RASGRP1: variants seen among roughly 807,000 people sequenced by gnomAD.
The protein encoded by RASGRP1 is RAS guanyl-releasing protein 1.
Under a neutral mutation model 95.1 loss-of-function variants are expected in RASGRP1, and 37 were observed. The observed-to-expected ratio is 0.39, with a 90% CI of 0.30 to 0.51. The LOEUF (loss-of-function observed/expected upper bound fraction) is 0.51, where lower values mean the gene tolerates loss of function less well. Ranked by LOEUF, RASGRP1 falls within the 20% of genes least tolerant of loss-of-function variation. The probability of loss-of-function intolerance (pLI) is 0.80; values close to 1 mark genes in which losing one functional copy is unlikely to be tolerated. For missense variants in RASGRP1, 711 were observed against 965.4 expected (o/e 0.74, Z 3.49); for synonymous variants, 325 against 353.4 (o/e 0.92, Z 0.90).
At chr15:38,564,496 G>C in intron 1 of RASGRP1, 98 bp downstream of exon 1, 1 of 989,892 alleles carries the variant, frequency 1.0e-6, no homozygotes, top group Non-Finnish European at 1.2e-6. Context: ...GCCCCCCTCC[G>C]CCCTCAACTT....
At chr15:38,547,386 T>C (rs7164671) in intron 2 of RASGRP1, among the ~76,000 whole-genome samples, 5,556 of 152,150 alleles carry the variant, frequency 0.037, 363 homozygotes, top group African/African-American at 0.13. Flanking sequence ...AAAGCAGCCC[T>C]CAACCAATGA....
intron 2 of RASGRP1, among the ~76,000 whole-genome samples, chr15:38,534,830 C>A (rs1463881901): frequency 6.6e-6 from 1 of 152,202 alleles, no homozygotes; most frequent in Non-Finnish European, 1.5e-5. Flanking sequence ...ATGCTTCCTG[C>A]CTCTGTTCTA....
chr15:38,519,027 A>G (rs972845374), intron 4 of RASGRP1, among the ~76,000 whole-genome samples: 2 of 152,218 alleles, frequency 1.3e-5, no homozygotes, highest in Admixed American at 6.5e-5. Flanking sequence ...ATAATGAGCT[A>G]TATTACTTGT....
chr15:38,530,203 CT>C (rs923563901), intron 2 of RASGRP1, among the ~76,000 whole-genome samples: 19 of 152,162 alleles, frequency 1.2e-4, no homozygotes, highest in African/African-American at 4.6e-4. Context: ...TCCCTGCTTC[CT>C]TGGGCCAGTA....
chr15:38,542,847 A>ATGTGTATAT (rs1892934258), intron 2 of RASGRP1, among the ~76,000 whole-genome samples: 1 of 119,448 alleles, frequency 8.4e-6, no homozygotes, highest in Non-Finnish European at 1.6e-5. Context: ...ATATATATAT[A>ATGTGTATAT]TGTGTATATA....
At position 38,498,942 on chromosome 15, in the gene RASGRP1, G is replaced by A. The variant is rs374227836; in HGVS notation, c.1725C>T (p.Cys575=). The change falls in exon 15 of 17, where the codon TGC becomes TGT. Residue 575 remains cysteine, a synonymous_variant. Transcript: ENST00000310803. ...TGCATTGTTTGTGACAGTTCATCCC[G>A]CAGTCTGTGGACAAGACATCCTGGG... is the stretch of plus-strand genomic sequence containing the variant. ...VIKQGYRCKD[C]GMNCHKQCKD... The A allele has an allele frequency of 3.7e-6, 6 of 1,613,706 alleles. No homozygotes were observed. Among genetic ancestry groups the A allele is most frequent in the Admixed American group, 3.3e-5 (2 of 60,000 alleles).
At chr15:38,523,910 C>G (rs997600870) in intron 3 of RASGRP1, among the ~76,000 whole-genome samples, 1 of 152,146 alleles carries the variant, frequency 6.6e-6, no homozygotes, top group Non-Finnish European at 1.5e-5. Context: ...CTATGGTGTT[C>G]ACACAATGAC....
In RASGRP1 at chr15:38,489,757, T is replaced by A. The variant is rs925634476; in HGVS notation, c.*797A>T. The A allele has an allele frequency of 2.0e-5, 3 of 151,922 alleles. No homozygotes were observed. Among genetic ancestry groups the A allele is most frequent in the Non-Finnish European group, 4.4e-5 (3 of 67,868 alleles). The allele number at this position is 151,922 out of a possible 1,614,324, so 9.4% of individuals were successfully genotyped here. A position where few individuals can be genotyped will look rare whatever the true frequency, so the allele number is the denominator to read the frequency against. ...TTTTTTTTAAGCCATCAATTCCTAA[T>A]TCTATCCACTGTAGAATATATAAGG... On this transcript the variant is annotated 3_prime_UTR_variant, in exon 17 of 17. Transcript: ENST00000310803.
At chr15:38,563,665 T>C (rs1893904389) in intron 1 of RASGRP1, among the ~76,000 whole-genome samples, 1 of 152,202 alleles carries the variant, frequency 6.6e-6, no homozygotes, top group Non-Finnish European at 1.5e-5. Flanking sequence ...GAACTCCTCC[T>C]TCTGAATCTA....
chr15:38,530,034 CATA>C (rs1321342831), intron 2 of RASGRP1, among the ~76,000 whole-genome samples: 2 of 152,222 alleles, frequency 1.3e-5, no homozygotes, highest in East Asian at 3.9e-4. Context: ...ACATAATTTC[CATA>C]ATAATTATTT....
At chr15:38,505,755 A>G in intron 10 of RASGRP1, 85 bp downstream of exon 10, 3 of 1,094,370 alleles carry the variant, frequency 2.7e-6, no homozygotes, top group Non-Finnish European at 4.1e-6. Flanking sequence ...AACTGAACTG[A>G]AAGTCTGTTC....
chr15:38,509,649 C>T (rs1891417696), intron 8 of RASGRP1, among the ~76,000 whole-genome samples: 1 of 152,184 alleles, frequency 6.6e-6, no homozygotes, highest in South Asian at 2.1e-4. Context: ...TTACTTGAAC[C>T]TGGGAGGCGG....
At chr15:38,509,731 A>C (rs113137561) in intron 8 of RASGRP1, among the ~76,000 whole-genome samples, 26 of 152,298 alleles carry the variant, frequency 1.7e-4, no homozygotes, top group Admixed American at 1.2e-3. Context: ...CTCAATCAAT[A>C]AATAAATAAT....
intron 3 of RASGRP1, among the ~76,000 whole-genome samples, chr15:38,524,952 C>T (rs981056989): frequency 7.6e-5 from 11 of 145,454 alleles, no homozygotes; most frequent in Admixed American, 2.7e-4. Flanking sequence ...GCAGGAACCC[C>T]GAGGTACAAT....
chr15:38,551,515 A>G (rs1893336945), intron 2 of RASGRP1, among the ~76,000 whole-genome samples: 1 of 152,214 alleles, frequency 6.6e-6, no homozygotes, highest in Admixed American at 6.5e-5. Context: ...ACGACAATGT[A>G]TGATATGGAA....
intron 16 of RASGRP1, among the ~76,000 whole-genome samples, chr15:38,493,042 G>A (rs1331719871): frequency 6.6e-6 from 1 of 151,578 alleles, no homozygotes; most frequent in Admixed American, 6.6e-5. Flanking sequence ...TACCACGCCT[G>A]GCTAATTTTT....
intron 2 of RASGRP1, among the ~76,000 whole-genome samples, chr15:38,553,252 G>A (rs1022621915): frequency 6.6e-6 from 1 of 152,216 alleles, no homozygotes; most frequent in Non-Finnish European, 1.5e-5. Flanking sequence ...GGGCAGGAGT[G>A]GACAAGTTCT....
intron 3 of RASGRP1, among the ~76,000 whole-genome samples, chr15:38,523,697 A>G (rs530711801): frequency 1.3e-5 from 2 of 152,146 alleles, no homozygotes; most frequent in South Asian, 4.2e-4. Context: ...CCCCCTATAC[A>G]TATCATTTTT....
chr15:38,493,454 G>A (rs62003582), intron 16 of RASGRP1, among the ~76,000 whole-genome samples: 1,724 of 152,178 alleles, frequency 0.011, 20 homozygotes, highest in Non-Finnish European at 0.019. Context: ...CTGGGGGCAT[G>A]AGCCACCACG....
Sources: gnomAD v4.1 joint callset for allele counts (sites outside exome capture counted in the v4.1 genomes callset) on GRCh38, gnomAD v4.1.1 for gene constraint, MANE v1.5 for transcripts, NCBI Gene and HGNC (gene_info 2026-07-23, HGNC 2026-07-21) for gene names.